The following ROBO2 variants were observed in gnomAD, a reference collection of about 807,000 sequenced individuals.
ROBO2 encodes roundabout homolog 2.
A neutral mutation model predicts 160.8 loss-of-function variants in ROBO2; 53 were observed. The ratio of observed to expected loss-of-function variants is 0.33; its 90% CI spans 0.26 to 0.41. The LOEUF is 0.41. Among genes scored for constraint, ROBO2 ranks in the 10% least tolerant of loss-of-function variants. ROBO2 has a pLI of 1.00. For synonymous variants in ROBO2, 664 were observed against 611.7 expected (o/e 1.09, Z -1.26); for missense variants, 1,577 against 1,722.4 (o/e 0.92, Z 1.49).
intron 2 of ROBO2, among the ~76,000 whole-genome samples, chr3:77,469,053 T>C (rs2083079790): frequency 6.6e-6 from 1 of 152,238 alleles, no homozygotes; most frequent in South Asian, 2.1e-4. Context: ...TGTTCAATTG[T>C]ACCAAATGTA....
At chr3:76,846,993 AT>A (rs1171368608) in intron 2 of ROBO2, among the ~76,000 whole-genome samples, 1 of 152,090 alleles carries the variant, frequency 6.6e-6, no homozygotes, top group Non-Finnish European at 1.5e-5. Context: ...GTCAATAATA[AT>A]TCTCTTTTAC....
chr3:77,135,393 T>C (rs1436869504), intron 2 of ROBO2, among the ~76,000 whole-genome samples: 2 of 152,146 alleles, frequency 1.3e-5, no homozygotes, highest in Non-Finnish European at 2.9e-5. Context: ...AATCAATCTC[T>C]TTTTAATTTA....
At chr3:76,095,519 A>T (rs533903021) in intron 2 of ROBO2, among the ~76,000 whole-genome samples, 2 of 152,170 alleles carry the variant, frequency 1.3e-5, no homozygotes, top group South Asian at 4.1e-4. Context: ...ATCAATTGAT[A>T]TAATGATAAC....
rs116670060 is a variant in ROBO2 at position 76,138,638 on chromosome 3, G to A, written c.109+201036G>A. Among the ~76,000 whole-genome samples the A allele has an allele frequency of 1.0e-2, 1,519 of 152,060 alleles. 18 individuals are homozygous for A. Among genetic ancestry groups the A allele is most frequent in the Middle Eastern group, 0.02 (6 of 294 alleles). On this transcript the variant is annotated intron_variant, in intron 2 of 26. Transcript: ENST00000487694. ...TCAAGAGAGAATAATTAAGACATGG[G>A]ACAATGAGACATTTTATGATTTTCA... is the stretch of plus-strand genomic sequence containing the variant.
intron 2 of ROBO2, among the ~76,000 whole-genome samples, chr3:77,149,293 C>T (rs2150510033): frequency 6.6e-6 from 1 of 152,160 alleles, no homozygotes; most frequent in African/African-American, 2.4e-5. Flanking sequence ...CCTCGGGCTC[C>T]TAAAGTGCTG....
intron 2 of ROBO2, among the ~76,000 whole-genome samples, chr3:76,171,183 A>AAT (rs1164465501): frequency 6.6e-6 from 1 of 152,026 alleles, no homozygotes; most frequent in African/African-American, 2.4e-5. Context: ...TAGTCTCATT[A>AAT]TTTTCACAAT....
At chr3:75,987,265 C>G (rs920179000) in intron 2 of ROBO2, among the ~76,000 whole-genome samples, 5 of 151,864 alleles carry the variant, frequency 3.3e-5, no homozygotes, top group African/African-American at 1.2e-4. Flanking sequence ...ATATCCCTGG[C>G]TAAGTTAATT....
intron 2 of ROBO2, among the ~76,000 whole-genome samples, chr3:76,795,279 C>T (rs143542091): frequency 1.3e-5 from 2 of 151,980 alleles, no homozygotes; most frequent in South Asian, 2.1e-4. Context: ...CCCAATGAAG[C>T]TTGCTGCATC....
intron 2 of ROBO2, among the ~76,000 whole-genome samples, chr3:76,195,039 G>A (rs766976942): frequency 2.8e-4 from 42 of 152,086 alleles, no homozygotes; most frequent in Non-Finnish European, 5.6e-4. Flanking sequence ...CTCCCAAAAA[G>A]GGCACCATGT....
At chr3:76,407,444 T>G (rs905702215) in intron 2 of ROBO2, among the ~76,000 whole-genome samples, 21 of 152,062 alleles carry the variant, frequency 1.4e-4, no homozygotes, top group Non-Finnish European at 2.8e-4. Context: ...GACAGTTGTC[T>G]GATAGACACA....
intron 2 of ROBO2, among the ~76,000 whole-genome samples, chr3:76,789,644 T>A (rs1158786020): frequency 6.6e-6 from 1 of 151,690 alleles, no homozygotes; most frequent in Non-Finnish European, 1.5e-5. Context: ...GCTGCCCAAG[T>A]TCATAAACTG....
chr3:76,603,351 A>AAAATATATAT (rs1553826368), intron 2 of ROBO2, among the ~76,000 whole-genome samples: 5 of 26,404 alleles, frequency 1.9e-4, no homozygotes, highest in African/African-American at 4.7e-4. Context: ...AAAAAAAAAA[A>AAAATATATAT]ATATATATAT....
At chr3:76,498,771 C>T (rs1335541097) in intron 2 of ROBO2, among the ~76,000 whole-genome samples, 1 of 151,530 alleles carries the variant, frequency 6.6e-6, no homozygotes, top group East Asian at 1.9e-4. Flanking sequence ...CCACTTCCGC[C>T]TCCAGGATTC....
intron 2 of ROBO2, among the ~76,000 whole-genome samples, chr3:76,444,474 A>G (rs2077073775): frequency 6.6e-6 from 1 of 152,158 alleles, no homozygotes; most frequent in Non-Finnish European, 1.5e-5. Flanking sequence ...ATTGGCTTAC[A>G]TTTCAGCATG....
intron 2 of ROBO2, among the ~76,000 whole-genome samples, chr3:77,126,754 A>G (rs1051852514): frequency 1.8e-5 from 2 of 110,284 alleles, no homozygotes; most frequent in African/African-American, 6.8e-5. Flanking sequence ...TGTGGGATAT[A>G]TTTCATGTAT....
At chr3:77,103,108 G>T (rs1256236419) in intron 2 of ROBO2, among the ~76,000 whole-genome samples, 1 of 152,104 alleles carries the variant, frequency 6.6e-6, no homozygotes, top group Non-Finnish European at 1.5e-5. Context: ...GAGCACAGGG[G>T]GTCCTCACAG....
intron 2 of ROBO2, among the ~76,000 whole-genome samples, chr3:76,186,545 G>A (rs1047627490): frequency 7.3e-5 from 11 of 150,644 alleles, no homozygotes; most frequent in Non-Finnish European, 1.0e-4. Context: ...ATGCTCACTG[G>A]ATCCCATTCC....
At chr3:76,319,117 AT>A (rs1287054534) in intron 2 of ROBO2, among the ~76,000 whole-genome samples, 2 of 152,284 alleles carry the variant, frequency 1.3e-5, no homozygotes, top group East Asian at 3.9e-4. Flanking sequence ...TTATGGCCCC[AT>A]GAAAAGTTAT....
chr3:77,503,206 T>A (rs1307612712), intron 5 of ROBO2, among the ~76,000 whole-genome samples: 1 of 151,656 alleles, frequency 6.6e-6, no homozygotes, highest in Non-Finnish European at 1.5e-5. Context: ...CCACAAAAAA[T>A]TTTAAATATA....
Sources: gnomAD v4.1 joint callset for allele counts (sites outside exome capture counted in the v4.1 genomes callset) on GRCh38, gnomAD v4.1.1 for gene constraint, MANE v1.5 for transcripts, NCBI Gene and HGNC (gene_info 2026-07-23, HGNC 2026-07-21) for gene names.